The following RYR2 variants were observed in gnomAD, a reference collection of about 807,000 sequenced individuals.
RYR2 encodes the protein cardiac muscle ryanodine receptor-calcium release channel.
A neutral mutation model predicts 601.1 loss-of-function variants in RYR2; 227 were observed. The observed-to-expected ratio is 0.38, with a 90% CI of 0.34 to 0.42. The LOEUF (loss-of-function observed/expected upper bound fraction) is 0.42, where lower values mean the gene tolerates loss of function less well. Ranked by LOEUF, RYR2 falls within the 10% of genes least tolerant of loss-of-function variation. The pLI, the probability that RYR2 is intolerant of heterozygous loss-of-function variation, is 1.00. For synonymous variants in RYR2, 2,223 were observed against 2,175.1 expected (o/e 1.02, Z -0.61); for missense variants, 4,646 against 6,156.5 (o/e 0.75, Z 8.21).
intron 101 of RYR2, among the ~76,000 whole-genome samples, chr1:237,820,680 C>T (rs1773465): frequency 0.26 from 39,904 of 152,012 alleles, 5,697 homozygotes; most frequent in East Asian, 0.61. Context: ...CAGAACCATT[C>T]ACTCGCCTGG....
At position 237,348,960 on chromosome 1, in the gene RYR2, C is replaced by T. The variant is rs563298937; in HGVS notation, c.274-7005C>T. 3.3e-5 allele frequency among the ~76,000 whole-genome samples: 5 copies of T among 152,166 alleles called. No homozygotes were observed. The South Asian group carries it at 1.0e-3, about 32-fold the overall frequency. On this transcript the variant is annotated intron_variant, in intron 3 of 104. Transcript: ENST00000366574. The stretch of plus-strand genomic sequence containing the variant: ...GAAAAATAGATTAGTTGAAAATATC[C>T]AGACTGGCCTATGTGGAGAAAAGAA...
At chr1:237,525,476 A>C (rs1667480055) in intron 24 of RYR2, among the ~76,000 whole-genome samples, 1 of 151,654 alleles carries the variant, frequency 6.6e-6, no homozygotes, top group Non-Finnish European at 1.5e-5. Flanking sequence ...TTTTTGACAG[A>C]GTCTTGCTCT....
At chr1:237,266,503 C>T (rs923889830) in intron 1 of RYR2, among the ~76,000 whole-genome samples, 5 of 152,210 alleles carry the variant, frequency 3.3e-5, no homozygotes, top group African/African-American at 1.2e-4. Flanking sequence ...ACTCTGCATG[C>T]TGTCAGACCA....
At chr1:237,204,499 AAAAC>A (rs1350863441) in intron 1 of RYR2, among the ~76,000 whole-genome samples, 3 of 119,714 alleles carry the variant, frequency 2.5e-5, no homozygotes, top group Non-Finnish European at 5.3e-5. Context: ...AACAAAAACA[AAAAC>A]AAAAAAAAAA....
intron 100 of RYR2, among the ~76,000 whole-genome samples, chr1:237,809,484 T>A (rs1212814204): frequency 6.6e-6 from 1 of 152,236 alleles, no homozygotes; most frequent in Non-Finnish European, 1.5e-5. Context: ...TAAATGTCTT[T>A]TTTGGTCTTG....
chr1:237,357,095 G>GT (rs1414155513), intron 4 of RYR2, among the ~76,000 whole-genome samples: 2 of 151,758 alleles, frequency 1.3e-5, no homozygotes, highest in African/African-American at 2.4e-5. Context: ...AAGGAAACTT[G>GT]TTTTTTAATT....
At chr1:237,637,354 T>C (rs1046121599) in intron 44 of RYR2, among the ~76,000 whole-genome samples, 44 of 152,340 alleles carry the variant, frequency 2.9e-4, no homozygotes, top group African/African-American at 9.6e-4. Flanking sequence ...AAATTGAATT[T>C]CTTGTGAAAT....
chr1:237,491,692 G>A lies in RYR2; in HGVS notation c.1709-114G>A, dbSNP rs1663360716. ...CAGTGCCTTGTAACAGTCACATTGA[G>A]CACAGATAATTACATGTTGTACTGA... On this transcript the variant is annotated intron_variant, in intron 17 of 104. Coordinates refer to ENST00000366574, the MANE Select transcript of RYR2 (RefSeq NM_001035.3). 3 of 619,998 alleles carry A rather than the reference G, an allele frequency of 4.8e-6. No individual in the cohort carries two copies. The South Asian group carries it at 5.8e-5, about 12-fold the overall frequency. The allele number at this position is 619,998 out of a possible 1,614,324, so 38.4% of individuals were successfully genotyped here.
At chr1:237,726,975 GA>G in intron 75 of RYR2, 111 bp from the exon 76 acceptor site, 1 of 615,302 alleles carries the variant, frequency 1.6e-6, no homozygotes, top group Non-Finnish European at 3.0e-6. Context: ...GATTACTTAA[GA>G]GGGGCAACTG....
chr1:237,216,323 G>C (rs1683148724), intron 1 of RYR2, among the ~76,000 whole-genome samples: 1 of 152,096 alleles, frequency 6.6e-6, no homozygotes. Flanking sequence ...TATTGAGTTT[G>C]AAAACAAAAT....
At chr1:237,481,038 A>G in intron 17 of RYR2, among the ~76,000 whole-genome samples, 1 of 151,266 alleles carries the variant, frequency 6.6e-6, no homozygotes, top group Admixed American at 6.6e-5. Flanking sequence ...AAGCATATGT[A>G]ATTATGTATT....
At chr1:237,767,322 C>T (rs1023768202) in intron 84 of RYR2, among the ~76,000 whole-genome samples, 4 of 152,086 alleles carry the variant, frequency 2.6e-5, no homozygotes, top group South Asian at 2.1e-4. Flanking sequence ...AACTATAGCA[C>T]ACTGAATTCA....
At chr1:237,264,151 C>A (rs1247669012) in intron 1 of RYR2, among the ~76,000 whole-genome samples, 3 of 151,814 alleles carry the variant, frequency 2.0e-5, no homozygotes, top group African/African-American at 7.3e-5. Context: ...ATAATTCACC[C>A]CTCAACATGT....
intron 10 of RYR2, among the ~76,000 whole-genome samples, chr1:237,394,446 T>C (rs1026491816): frequency 6.6e-6 from 1 of 152,212 alleles, no homozygotes; most frequent in East Asian, 1.9e-4. Flanking sequence ...GTAATGCTTC[T>C]TGGGATGCTG....
chr1:237,665,354 G>A (rs548195814), intron 56 of RYR2, among the ~76,000 whole-genome samples: 4 of 147,526 alleles, frequency 2.7e-5, no homozygotes, highest in South Asian at 2.1e-4. Context: ...AGTCAAGATC[G>A]TGCCACTGCA....
chr1:237,278,144 C>T (rs887857446), intron 2 of RYR2, among the ~76,000 whole-genome samples: 1 of 151,426 alleles, frequency 6.6e-6, no homozygotes, highest in African/African-American at 2.4e-5. Flanking sequence ...GATCTTGGCT[C>T]ACTGTAGTAT....
At chr1:237,594,667 A>G (rs974089126) in intron 33 of RYR2, among the ~76,000 whole-genome samples, 4 of 152,020 alleles carry the variant, frequency 2.6e-5, no homozygotes, top group Non-Finnish European at 5.9e-5. Flanking sequence ...TGCAGCCTAC[A>G]TTTGATTACT....
At chr1:237,651,862 C>A (rs893371749) in intron 51 of RYR2, among the ~76,000 whole-genome samples, 1 of 152,074 alleles carries the variant, frequency 6.6e-6, no homozygotes, top group Non-Finnish European at 1.5e-5. Context: ...ACGGTGAAAC[C>A]CCGTCTCTAT....
intron 3 of RYR2, among the ~76,000 whole-genome samples, chr1:237,349,787 C>A (rs1698601448): frequency 6.6e-6 from 1 of 151,960 alleles, no homozygotes; most frequent in African/African-American, 2.4e-5. Context: ...GAATAACCAA[C>A]AACTTTCCAG....
Sources: gnomAD v4.1 joint callset for allele counts (sites outside exome capture counted in the v4.1 genomes callset) on GRCh38, gnomAD v4.1.1 for gene constraint, MANE v1.5 for transcripts, NCBI Gene and HGNC (gene_info 2026-07-23, HGNC 2026-07-21) for gene names.